Variants in PIKFYVE observed in about 807,000 individuals in gnomAD.
PIKFYVE encodes phosphoinositide kinase, FYVE-type zinc finger containing.
In PIKFYVE, 122 loss-of-function variants were observed where a neutral mutation model predicts 257.9. The observed-to-expected ratio is 0.47, with a 90% CI of 0.41 to 0.55. The LOEUF (loss-of-function observed/expected upper bound fraction) is 0.55, where lower values mean the gene tolerates loss of function less well. Among genes scored for constraint, PIKFYVE ranks in the 20% least tolerant of loss-of-function variants. The probability of loss-of-function intolerance (pLI) is 0.00; values close to 1 mark genes in which losing one functional copy is unlikely to be tolerated. For missense variants in PIKFYVE, 2,160 were observed against 2,536.6 expected, an observed-to-expected ratio of 0.85 and a Z score of 3.19; for synonymous variants, 892 against 868.9, an observed-to-expected ratio of 1.03 and a Z score of -0.47.
chr2:208,335,315 C>T lies in PIKFYVE; in HGVS notation c.4152C>T (p.Pro1384=), dbSNP rs774566105. The change falls in exon 25 of 42, where the codon CCC becomes CCT. Residue 1384 remains proline, a synonymous_variant. Transcript: ENST00000264380. The stretch of plus-strand genomic sequence containing the variant: ...TGTATTTTCTTCTCAGTTATTCTCC[C>T]ATTCGGCTTCTTGAAGTATGTGTTC... ...NQMVASFSYS[P]IRLLEVCVPL... 6.2e-7 allele frequency: 1 copy of T among 1,600,196 alleles called. No individual in the cohort carries two copies. Among genetic ancestry groups the T allele is most frequent in the South Asian group, 1.1e-5 (1 of 90,792 alleles).
intron 5 of PIKFYVE, among the ~76,000 whole-genome samples, chr2:208,284,261 CTTTTT>C (rs35089730): frequency 7.1e-6 from 1 of 139,956 alleles, no homozygotes; most frequent in Non-Finnish European, 1.6e-5. Context: ...CATTTCTATC[CTTTTT>C]TTTTTTTTTT....
chr2:208,335,219 A>G, intron 24 of PIKFYVE, 87 bp from the exon 25 acceptor site: 2 of 880,652 alleles, frequency 2.3e-6, no homozygotes, highest in Non-Finnish European at 3.8e-6. Context: ...TATGCCTCAT[A>G]GAATATAGTT....
At chr2:208,330,945 T>G (rs1697472976) in intron 23 of PIKFYVE, among the ~76,000 whole-genome samples, 1 of 152,186 alleles carries the variant, frequency 6.6e-6, no homozygotes, top group Non-Finnish European at 1.5e-5. Context: ...ATCTTGAGGT[T>G]GTATCATGAC....
intron 10 of PIKFYVE, 155 bp downstream of exon 10, chr2:208,302,508 G>A: frequency 1.5e-6 from 1 of 685,888 alleles, no homozygotes; most frequent in Non-Finnish European, 2.5e-6. Context: ...TACTTGGTAG[G>A]CAGCAGTGAT....
rs1228917901 is a variant in PIKFYVE, at chr2:208,305,513, C to A, written c.1636+500C>A. ...ATTCATAATGCTTATTATGTATATT[C>A]TATATTTATTAAAACAATTTCTTCT... On this transcript the variant is annotated intron_variant, in intron 12 of 41. Transcript: ENST00000264380. 4 of 845,646 alleles carry A rather than the reference C, an allele frequency of 4.7e-6. No homozygotes were observed. The African/African-American group carries it at 7.4e-5, about 16-fold the overall frequency. The allele number at this position is 845,646 out of a possible 1,614,324, so 52.4% of individuals were successfully genotyped here.
rs1488607850 is a variant in PIKFYVE at position 208,325,929 on chromosome 2, A to G, written c.3118A>G (p.Thr1040Ala). 6.2e-7 allele frequency: 1 copy of G among 1,613,976 alleles called. No individual in the cohort carries two copies. Among genetic ancestry groups the G allele is most frequent in the South Asian group, 1.1e-5 (1 of 91,082 alleles). Residue 1040 changes from threonine to alanine, a missense_variant, in exon 20 of 42, where the codon ACT becomes GCT. Thr to Ala is a moderately conservative substitution (Grantham distance 58). This residue lies in a region of PIKFYVE where 522 missense variants were observed against 514.6 expected (regional missense o/e 1.01). Coordinates refer to ENST00000264380, the MANE Select transcript of PIKFYVE (RefSeq NM_015040.4). ...CACCTCCTCTGAAGATAAACGAAAG[A>G]CTTATTCTTTGGCCTTTAAGCAGGA... ...EVTSSEDKRK[T>A]YSLAFKQELK...
In PIKFYVE at chr2:208,304,191, G is replaced by A. The variant is rs762093065; in HGVS notation, c.1341G>A (p.Thr447=). The stretch of plus-strand genomic sequence containing the variant: ...TTCAGAGTACAGAATTTTCTGAGAC[G>A]CCTTCTCCCGACAGTGACTCAGTGA... ...RPLQSTEFSE[T]PSPDSDSVNS... The change falls in exon 11 of 42, where the codon ACG becomes ACA. Residue 447 remains threonine, a synonymous_variant. Coordinates refer to ENST00000264380, the MANE Select transcript of PIKFYVE (RefSeq NM_015040.4). 5 of 1,614,056 alleles carry A rather than the reference G, an allele frequency of 3.1e-6. No individual in the cohort carries two copies. In the South Asian group the frequency reaches 4.4e-5, roughly 14 times the overall value.
chr2:208,354,710 G>C, intron 41 of PIKFYVE, 65 bp downstream of exon 41: 1 of 1,259,998 alleles, frequency 7.9e-7, no homozygotes. Flanking sequence ...TTTTAAAAGT[G>C]GATACTGATT....
chr2:208,336,905 C>T lies in PIKFYVE; in HGVS notation c.4588C>T (p.Leu1530=). The T allele has an allele frequency of 6.2e-7, 1 of 1,612,554 alleles. No homozygotes were observed. The change falls in exon 28 of 42, where the codon CTG becomes TTG. Residue 1530 remains leucine (L), a synonymous_variant. Coordinates refer to ENST00000264380, the MANE Select transcript of PIKFYVE (RefSeq NM_015040.4). The part of the protein sequence containing the change: ...RPSVPPSPGR[L]RQGEESKISA... Reference sequence around the variant, plus strand: ...TTCAGTTCCTCCAAGTCCTGGAAGACTGAGACAAGGGGAAGAAAGCAAGGT... The same window carrying T: ...TTCAGTTCCTCCAAGTCCTGGAAGATTGAGACAAGGGGAAGAAAGCAAGGT...
rs1404913049 is a variant in PIKFYVE at position 208,355,938 on chromosome 2, T to C, written c.*633T>C. 1.3e-5 allele frequency: 2 copies of C among 152,674 alleles called. No individual in the cohort carries two copies. The highest frequency in any genetic ancestry group is 2.1e-4 in the South Asian group (1 of 4,826). The allele number at this position is 152,674 out of a possible 1,614,324, so 9.5% of individuals were successfully genotyped here. A position where few individuals can be genotyped will look rare whatever the true frequency, so the allele number is the denominator to read the frequency against. ...TGTTTGATGTTTTTAAAATTTTGTC[T>C]TCTCTGTGGAAGACAGGAGGCTACA... On this transcript the variant is annotated 3_prime_UTR_variant, in exon 42 of 42. Transcript: ENST00000264380.
chr2:208,304,449 AG>A, intron 11 of PIKFYVE, 131 bp downstream of exon 11: 1 of 1,232,810 alleles, frequency 8.1e-7, no homozygotes, highest in Non-Finnish European at 1.2e-6. Flanking sequence ...AACATCTGAT[AG>A]CAGTCTTTGT....
intron 4 of PIKFYVE, 110 bp downstream of exon 4, chr2:208,276,940 TC>T: frequency 1.2e-6 from 1 of 826,970 alleles, no homozygotes; most frequent in Non-Finnish European, 2.0e-6. Context: ...TAGCGCTTCC[TC>T]CAGCTGTGAG....
In PIKFYVE at chr2:208,302,291, G is replaced by T. The variant is rs377481685; in HGVS notation, c.1258G>T (p.Asp420Tyr). Residue 420 changes from aspartate to tyrosine, a missense_variant, in exon 10 of 42, where the codon GAT becomes TAT. Coordinates refer to ENST00000264380, the MANE Select transcript of PIKFYVE (RefSeq NM_015040.4). ...AGCAATGGTTGATGGACGTTGGCTG[G>T]ATTGTGTTAGTCATCACGACCAGCT... Reference protein sequence around the residue: ...GQAMVDGRWLDCVSHHDQLFR... With the variant: ...GQAMVDGRWLYCVSHHDQLFR... 1 of 1,614,142 alleles carries T rather than the reference G, an allele frequency of 6.2e-7. No homozygotes were observed. Among genetic ancestry groups the T allele is most frequent in the Non-Finnish European group, 8.5e-7 (1 of 1,179,994 alleles).
intron 18 of PIKFYVE, 35 bp from the exon 19 acceptor site, chr2:208,324,876 C>A: frequency 6.2e-7 from 1 of 1,605,342 alleles, no homozygotes; most frequent in Non-Finnish European, 8.5e-7. Context: ...TTATTCTTCT[C>A]TAGTTTTGTA....
intron 7 of PIKFYVE, among the ~76,000 whole-genome samples, chr2:208,295,521 G>C (rs1482367195): frequency 6.6e-6 from 1 of 152,064 alleles, no homozygotes; most frequent in Non-Finnish European, 1.5e-5. Context: ...CAGTATCTTA[G>C]TCTTTCTTTG....
At chr2:208,285,256 C>G (rs1390410949) in intron 5 of PIKFYVE, among the ~76,000 whole-genome samples, 1 of 151,950 alleles carries the variant, frequency 6.6e-6, no homozygotes, top group Non-Finnish European at 1.5e-5. Flanking sequence ...TTACCATGCC[C>G]GGCTAATTTT....
chr2:208,348,848 C>G (rs188057131), intron 35 of PIKFYVE, among the ~76,000 whole-genome samples: 128 of 152,022 alleles, frequency 8.4e-4, no homozygotes, highest in African/African-American at 2.8e-3. Flanking sequence ...TTGGTGACCT[C>G]TGGGTTAGTC....
At position 208,355,980 on chromosome 2, in the gene PIKFYVE, C is replaced by G. The variant is rs1284670545; in HGVS notation, c.*675C>G. 2.0e-5 allele frequency: 3 copies of G among 152,484 alleles called. No homozygotes were observed. The highest frequency in any genetic ancestry group is 4.8e-5 in the African/African-American group (2 of 41,388). The allele number at this position is 152,484 out of a possible 1,614,324, so 9.4% of individuals were successfully genotyped here. ...GAGGCTACAGCAATTAACTTTAAGC[C>G]TCCTTTTAGAGATATTTTTAAAACT... On this transcript the variant is annotated 3_prime_UTR_variant, in exon 42 of 42. Transcript: ENST00000264380.
intron 20 of PIKFYVE, among the ~76,000 whole-genome samples, chr2:208,326,904 ATCTTTT>A (rs774145016): frequency 3.3e-5 from 5 of 152,176 alleles, no homozygotes; most frequent in Non-Finnish European, 7.4e-5. Context: ...TATGACAGTG[ATCTTTT>A]TCTTTTTAGG....
Sources: allele counts gnomAD v4.1 joint callset (sites outside exome capture counted in the v4.1 genomes callset), GRCh38; gene constraint gnomAD v4.1.1; regional missense constraint gnomAD v4.1.1; transcripts MANE v1.5; gene names NCBI Gene and HGNC (gene_info 2026-07-23, HGNC 2026-07-21).